Variants in AHCY observed in about 807,000 individuals in gnomAD.
The protein encoded by AHCY is S-adenosyl-L-homocysteine hydrolase.
A neutral mutation model predicts 45.4 loss-of-function variants in AHCY; 24 were observed. The observed-to-expected ratio is 0.53, with a 90% confidence interval of 0.38 to 0.74. AHCY has a LOEUF of 0.74. AHCY is among the 30% of genes least tolerant of loss of function. The pLI is 0.00. For synonymous variants in AHCY, 245 were observed against 235.1 expected (o/e 1.04, Z -0.39); for missense variants, 449 against 594.1 (o/e 0.76, Z 2.54).
chr20:34,232,156 A>G, the AHCY span, among the ~76,000 whole-genome samples: 1 of 152,220 alleles, frequency 6.6e-6, no homozygotes, highest in Non-Finnish European at 1.5e-5. Flanking sequence ...CCCACATTTT[A>G]TAGAAAGCAG....
the AHCY span, chr20:34,246,160 C>T: frequency 9.7e-7 from 1 of 1,035,624 alleles, no homozygotes; most frequent in Non-Finnish European, 1.5e-6. Context: ...ACACTCTTGT[C>T]ACATGTTTCT....
chr20:34,287,562 T>C (rs1264119577), intron 8 of AHCY, among the ~76,000 whole-genome samples: 2 of 151,868 alleles, frequency 1.3e-5, no homozygotes, highest in Non-Finnish European at 2.9e-5. Context: ...AGCTAATTTT[T>C]TGTATTTTTA....
chr20:34,265,677 C>T, the AHCY span, among the ~76,000 whole-genome samples: 1 of 152,100 alleles, frequency 6.6e-6, no homozygotes, highest in Admixed American at 6.6e-5. Flanking sequence ...TGGCCGGGCA[C>T]AGTGGCTCAC....
chr20:34,269,170 G>GCC, the AHCY span: 1 of 1,516,508 alleles, frequency 6.6e-7, no homozygotes, highest in Non-Finnish European at 8.8e-7. Flanking sequence ...ACTGCTGAGC[G>GCC]CCCCCACTCC....
chr20:34,275,705 C>T (rs2035905254), downstream of AHCY, among the ~76,000 whole-genome samples: 1 of 146,588 alleles, frequency 6.8e-6, no homozygotes, highest in Non-Finnish European at 1.5e-5. Context: ...TTGAGATGAG[C>T]CCTTGCTCTG....
chr20:34,269,021 C>T, the AHCY span: 1 of 1,607,938 alleles, frequency 6.2e-7, no homozygotes, highest in Non-Finnish European at 8.5e-7. Context: ...AGTGGTGCGG[C>T]CCCGGACCCC....
the AHCY span, among the ~76,000 whole-genome samples, chr20:34,266,711 A>C: frequency 2.0e-5 from 3 of 152,188 alleles, no homozygotes; most frequent in African/African-American, 7.2e-5. Context: ...GGCAGATTAT[A>C]AAGTGTTAGA....
chr20:34,269,291 C>A, the AHCY span: 1 of 1,209,942 alleles, frequency 8.3e-7, no homozygotes, highest in Non-Finnish European at 1.1e-6. Context: ...GGAGATGGGA[C>A]TTCAGGGAGA....
At position 34,285,601 on chromosome 20, in the gene AHCY, T is replaced by G. The variant is rs2036151431; in HGVS notation, c.1006A>C (p.Ile336Leu). ...DRYRLKNGRR[I>L]ILLAEGRLVN... ...AGCCGACCCTCGGCCAGCAGGATGA[T>G]GCGGCGCCCATTCTTCAACCGATAC... The change falls in exon 9 of 10, where the codon ATC becomes CTC. Residue 336 changes from isoleucine to leucine, a missense_variant. Ile to Leu is a conservative substitution (Grantham distance 5, BLOSUM62 2). Transcript: ENST00000217426. The G allele has an allele frequency of 6.2e-7, 1 of 1,613,806 alleles. No individual in the cohort carries two copies. The highest frequency in any genetic ancestry group is 1.7e-5 in the Admixed American group (1 of 59,978).
chr20:34,248,711 G>A, the AHCY span, among the ~76,000 whole-genome samples: 3 of 151,708 alleles, frequency 2.0e-5, no homozygotes, highest in Non-Finnish European at 4.4e-5. Context: ...GATGTGGGAG[G>A]ATTGCTTGAG....
intron 1 of AHCY, among the ~76,000 whole-genome samples, chr20:34,310,833 A>T (rs1400686156): frequency 2.6e-5 from 4 of 152,138 alleles, no homozygotes; most frequent in East Asian, 1.9e-4. Context: ...TCCGTATTTT[A>T]AAAAAACGAC....
In AHCY at chr20:34,285,476, G is replaced by T. The variant is rs767883468; in HGVS notation, c.1131C>A (p.Asp377Glu). The change falls in exon 9 of 10, where the codon GAC (aspartate) becomes GAA (glutamate). Residue 377 changes from aspartate (D) to glutamate (E), a missense_variant. Coordinates refer to ENST00000217426, the MANE Select transcript of AHCY (RefSeq NM_000687.4). ...MAQIELWTHP[D>E]KYPVGVHFLP... The stretch of plus-strand genomic sequence containing the variant: ...GGAAATGAACCCCAACGGGGTACTT[G>T]TCTGGATGGGTCCACAGCTCGATCT... 3.7e-6 allele frequency: 6 copies of T among 1,613,974 alleles called. No homozygotes were observed.
chr20:34,307,689 A>G (rs997004767), upstream of AHCY, among the ~76,000 whole-genome samples: 2 of 152,222 alleles, frequency 1.3e-5, no homozygotes, highest in Non-Finnish European at 2.9e-5. Context: ...TTTTCTTACA[A>G]CTGCACATGA....
chr20:34,295,495 G>A lies in AHCY; in HGVS notation c.119C>T (p.Ser40Leu), dbSNP rs773641822. ...GGCGCCCTTCAGTGGCTTGGAGGCC[G>A]AGTACCGCTCCCGCATACGCATCAG... is the stretch of plus-strand genomic sequence containing the variant. ...PGLMRMRERY[S>L]ASKPLKGARI... The change falls in exon 2 of 10, where the codon TCG becomes TTG. Residue 40 changes from serine (S) to leucine (L), a missense_variant. Coordinates refer to ENST00000217426, the MANE Select transcript of AHCY (RefSeq NM_000687.4). 9.3e-6 allele frequency: 15 copies of A among 1,613,898 alleles called. No individual in the cohort carries two copies. The highest frequency in any genetic ancestry group is 2.2e-5 in the South Asian group (2 of 91,082).
At position 34,290,544 on chromosome 20, in the gene AHCY, C is replaced by T. The variant is rs368545475; in HGVS notation, c.854+7G>A. 8 of 1,614,140 alleles carry T rather than the reference C, an allele frequency of 5.0e-6. No homozygotes were observed. Among genetic ancestry groups the T allele is most frequent in the Non-Finnish European group, 5.1e-6 (6 of 1,179,996 alleles). Reference sequence around the variant, plus strand: ...TCACTCCCCGGGACCCCCCATCTGGCACCTACCGGCCAAGGATGATGTCAA... The same window carrying T: ...TCACTCCCCGGGACCCCCCATCTGGTACCTACCGGCCAAGGATGATGTCAA... On this transcript the variant is annotated splice_region_variant and intron_variant, in intron 7 of 9. Coordinates refer to ENST00000217426, the MANE Select transcript of AHCY (RefSeq NM_000687.4). The surrounding 1 kb of genome is among the most constrained non-coding windows in gnomAD (Gnocchi z 4.5).
chr20:34,275,622 C>T (rs1247016448), downstream of AHCY, among the ~76,000 whole-genome samples: 1 of 151,912 alleles, frequency 6.6e-6, no homozygotes, highest in African/African-American at 2.4e-5. Context: ...CTAGATTCAG[C>T]TACTCAAATA....
At chr20:34,260,043 C>T in the AHCY span, among the ~76,000 whole-genome samples, 8 of 152,064 alleles carry the variant, frequency 5.3e-5, no homozygotes, top group East Asian at 1.5e-3. Context: ...TCTCCTGGGG[C>T]CACAGACATT....
At chr20:34,236,249 C>T in the AHCY span, among the ~76,000 whole-genome samples, 1 of 152,046 alleles carries the variant, frequency 6.6e-6, no homozygotes, top group African/African-American at 2.4e-5. Flanking sequence ...ATTCAAGAAT[C>T]ATGGCCATGG....
chr20:34,281,274 G>T, intron 9 of AHCY, 109 bp from the exon 10 acceptor site: 1 of 1,515,352 alleles, frequency 6.6e-7, no homozygotes, highest in Non-Finnish European at 9.0e-7. Flanking sequence ...TCTGCCATGT[G>T]TGGTACTCAT....
Sources: allele counts gnomAD v4.1 joint callset (sites outside exome capture counted in the v4.1 genomes callset), GRCh38; gene constraint gnomAD v4.1.1; non-coding constraint Gnocchi (gnomAD v3.1); transcripts MANE v1.5; gene names NCBI Gene and HGNC (gene_info 2026-07-23, HGNC 2026-07-21).